Variants in PTPRD observed in about 807,000 individuals in gnomAD.
PTPRD encodes receptor-type tyrosine-protein phosphatase delta.
In PTPRD, 34 loss-of-function variants were observed where a neutral mutation model predicts 214.5. The observed-to-expected ratio is 0.16, with a 90% confidence interval of 0.12 to 0.21. The LOEUF (loss-of-function observed/expected upper bound fraction) is 0.21. Ranked by LOEUF, PTPRD falls within the 10% of genes least tolerant of loss-of-function variation. PTPRD has a pLI of 1.00. For synonymous variants in PTPRD, 1,128 were observed against 845.7 expected, an observed-to-expected ratio of 1.33 and a Z score of -5.79; for missense variants, 2,545 against 2,398.7, an observed-to-expected ratio of 1.06 and a Z score of -1.27.
At chr9:9,962,902 A>C (rs930879715) in intron 4 of PTPRD, among the ~76,000 whole-genome samples, 22 of 152,230 alleles carry the variant, frequency 1.4e-4, no homozygotes, top group African/African-American at 5.3e-4. Flanking sequence ...CAACTGAATG[A>C]GAATGAATAA....
chr9:9,813,977 G>A (rs2047962611), intron 5 of PTPRD, among the ~76,000 whole-genome samples: 1 of 152,074 alleles, frequency 6.6e-6, no homozygotes, highest in South Asian at 2.1e-4. Flanking sequence ...TTATCTCTGG[G>A]CTGAAAGATG....
intron 5 of PTPRD, among the ~76,000 whole-genome samples, chr9:9,899,263 A>G (rs2075806733): frequency 6.6e-6 from 1 of 152,088 alleles, no homozygotes; most frequent in Non-Finnish European, 1.5e-5. Context: ...GTGTGAAGAG[A>G]GACTATGAAA....
intron 10 of PTPRD, among the ~76,000 whole-genome samples, chr9:9,068,697 C>T (rs191563931): frequency 2.5e-4 from 38 of 152,116 alleles, no homozygotes; most frequent in Non-Finnish European, 4.4e-4. Flanking sequence ...CTGCAGTCTC[C>T]GTCTCCCTGG....
intron 43 of PTPRD, among the ~76,000 whole-genome samples, chr9:8,334,236 T>A (rs1392191883): frequency 6.6e-6 from 1 of 152,044 alleles, no homozygotes; most frequent in Non-Finnish European, 1.5e-5. Context: ...ATATATATTC[T>A]CAACACCACA....
At chr9:10,003,735 AT>A (rs1162433715) in intron 4 of PTPRD, among the ~76,000 whole-genome samples, 1 of 151,762 alleles carries the variant, frequency 6.6e-6, no homozygotes, top group African/African-American at 2.4e-5. Context: ...TGTGAATACT[AT>A]TTTAAGTACT....
chr9:10,248,244 G>A (rs1254515612), intron 3 of PTPRD, among the ~76,000 whole-genome samples: 2 of 152,028 alleles, frequency 1.3e-5, no homozygotes, highest in African/African-American at 4.8e-5. Flanking sequence ...TCAAGAGGAG[G>A]CTCTCAGTCA....
intron 14 of PTPRD, among the ~76,000 whole-genome samples, chr9:8,583,476 C>T (rs753470814): frequency 1.9e-4 from 29 of 152,092 alleles, no homozygotes; most frequent in Non-Finnish European, 3.1e-4. Context: ...CAAGCCACCA[C>T]GCATGGCTGG....
At chr9:9,387,373 A>G (rs1446710405) in intron 9 of PTPRD, among the ~76,000 whole-genome samples, 1 of 152,054 alleles carries the variant, frequency 6.6e-6, no homozygotes, top group Non-Finnish European at 1.5e-5. Flanking sequence ...TTTTCTTTAG[A>G]TTTTAATTAA....
chr9:9,957,897 T>C (rs1283763591), intron 4 of PTPRD, among the ~76,000 whole-genome samples: 1 of 150,272 alleles, frequency 6.7e-6, no homozygotes, highest in Non-Finnish European at 1.5e-5. Context: ...AAAAAAAAAA[T>C]TAGAAGAGCC....
rs139985243 is a variant in PTPRD, at chr9:8,331,507, T to TAACTTA, written c.5534+74_5534+75insTAAGTT. 13 of 1,518,964 alleles carry TAACTTA rather than the reference T, an allele frequency of 8.6e-6. No homozygotes were observed. The African/African-American group carries it at 1.9e-4, about 22-fold the overall frequency. 94.1% of individuals were successfully genotyped at this position (1,518,964 alleles called of 1,614,324 possible). ...GAATAAAATTTCAAATAAGCAAACT[T>TAACTTA]ACTACAAAAAGTGTATACAGACAAT... On this transcript the variant is annotated intron_variant, in intron 44 of 45. Coordinates refer to ENST00000381196, the MANE Select transcript of PTPRD (RefSeq NM_002839.4).
chr9:10,399,489 A>G (rs1036320331), intron 2 of PTPRD, among the ~76,000 whole-genome samples: 2 of 151,994 alleles, frequency 1.3e-5, no homozygotes, highest in African/African-American at 4.8e-5. Flanking sequence ...GTGTTCAGGC[A>G]GTGGTGTAGA....
intron 11 of PTPRD, among the ~76,000 whole-genome samples, chr9:9,013,205 G>C (rs2099519124): frequency 6.6e-6 from 1 of 151,754 alleles, no homozygotes; most frequent in Non-Finnish European, 1.5e-5. Flanking sequence ...AGTAACAAAA[G>C]AATGACTGAA....
intron 10 of PTPRD, among the ~76,000 whole-genome samples, chr9:9,100,649 C>G (rs1374497493): frequency 6.6e-6 from 1 of 152,080 alleles, no homozygotes; most frequent in Non-Finnish European, 1.5e-5. Context: ...ATGTAAGCAT[C>G]TTTATAGGTA....
At chr9:8,842,578 G>A (rs538914303) in intron 11 of PTPRD, among the ~76,000 whole-genome samples, 1 of 152,074 alleles carries the variant, frequency 6.6e-6, no homozygotes, top group Non-Finnish European at 1.5e-5. Flanking sequence ...ACTGTGGAGA[G>A]GTAGGGGGTT....
At chr9:9,139,310 C>A (rs555405608) in intron 10 of PTPRD, among the ~76,000 whole-genome samples, 2 of 152,042 alleles carry the variant, frequency 1.3e-5, no homozygotes, top group African/African-American at 2.4e-5. Context: ...AAAATTGTTT[C>A]TTTATAATGT....
intron 8 of PTPRD, among the ~76,000 whole-genome samples, chr9:9,516,190 A>C (rs2096833614): frequency 6.6e-6 from 1 of 152,158 alleles, no homozygotes; most frequent in African/African-American, 2.4e-5. Flanking sequence ...AGGAAAAAAG[A>C]GTACCAAAAT....
intron 8 of PTPRD, among the ~76,000 whole-genome samples, chr9:9,508,723 T>C (rs1226233323): frequency 6.6e-6 from 1 of 151,630 alleles, no homozygotes; most frequent in African/African-American, 2.4e-5. Context: ...TATGGATCAA[T>C]CTACCTGGAA....
rs373353555 is a variant in PTPRD at position 9,893,082 on chromosome 9, G to C, written c.-368+45425C>G. On this transcript the variant is annotated intron_variant, in intron 5 of 45. Coordinates refer to ENST00000381196, the MANE Select transcript of PTPRD (RefSeq NM_002839.4). ...GGAAGTAAGAGTATGAAGTTCAGGA[G>C]AGTGCTTCAGGCCTGAGATATACAT... Among the ~76,000 whole-genome samples the C allele has an allele frequency of 2.0e-5, 3 of 152,028 alleles. No homozygotes were observed. In the South Asian group the frequency reaches 6.2e-4, roughly 31 times the overall value.
intron 11 of PTPRD, among the ~76,000 whole-genome samples, chr9:8,746,467 C>A (rs1159761276): frequency 2.6e-5 from 4 of 152,038 alleles, no homozygotes; most frequent in African/African-American, 9.7e-5. Flanking sequence ...ATATTTGAGA[C>A]CTCTGGAAAG....
Sources: gnomAD v4.1 joint callset for allele counts (sites outside exome capture counted in the v4.1 genomes callset) on GRCh38, gnomAD v4.1.1 for gene constraint, MANE v1.5 for transcripts, NCBI Gene and HGNC (gene_info 2026-07-23, HGNC 2026-07-21) for gene names.